Variants in EXOC6B observed in about 807,000 individuals in gnomAD.
EXOC6B encodes the protein SEC15 homolog B.
EXOC6B carries 54 observed loss-of-function variants against 113.5 expected under a neutral mutation model. The observed-to-expected ratio is 0.48, with a 90% CI of 0.38 to 0.60. The LOEUF is 0.60. EXOC6B is among the 20% of genes least tolerant of loss of function. The pLI, the probability that EXOC6B is intolerant of heterozygous loss-of-function variation, is 0.00. For missense variants in EXOC6B, 797 were observed against 977.5 expected, an observed-to-expected ratio of 0.82 and a Z score of 2.46; for synonymous variants, 357 against 339.0, an observed-to-expected ratio of 1.05 and a Z score of -0.58.
chr2:72,687,362 T>A (rs1367230781), intron 6 of EXOC6B, among the ~76,000 whole-genome samples: 1 of 152,210 alleles, frequency 6.6e-6, no homozygotes, highest in Non-Finnish European at 1.5e-5. Flanking sequence ...ATTTTTATGT[T>A]TTCTTTGGTG....
At chr2:72,712,080 A>C (rs1393976284) in intron 6 of EXOC6B, among the ~76,000 whole-genome samples, 1 of 152,086 alleles carries the variant, frequency 6.6e-6, no homozygotes, top group South Asian at 2.1e-4. Context: ...GACCTTGTAC[A>C]TTTTCTTATT....
chr2:72,592,893 C>T (rs182594907), intron 6 of EXOC6B, among the ~76,000 whole-genome samples: 1 of 152,094 alleles, frequency 6.6e-6, no homozygotes. Flanking sequence ...TAACATGACT[C>T]TTCGCAGATA....
chr2:72,425,040 C>G (rs1695124703), intron 18 of EXOC6B, among the ~76,000 whole-genome samples: 1 of 152,160 alleles, frequency 6.6e-6, no homozygotes. Context: ...CTCTATGTGT[C>G]CATGTGTTCT....
intron 1 of EXOC6B, among the ~76,000 whole-genome samples, chr2:72,784,542 CA>C (rs1684259520): frequency 1.3e-5 from 2 of 152,092 alleles, no homozygotes; most frequent in South Asian, 4.2e-4. Flanking sequence ...GCCTCAAAAT[CA>C]AGGTGGGAGG....
At chr2:72,575,432 C>T in intron 7 of EXOC6B, 60 bp downstream of exon 7, 1 of 1,489,714 alleles carries the variant, frequency 6.7e-7, no homozygotes. Flanking sequence ...TTCATCACAT[C>T]TCAACCATAC....
At chr2:72,489,756 G>C (rs566247790) in intron 16 of EXOC6B, among the ~76,000 whole-genome samples, 1 of 151,934 alleles carries the variant, frequency 6.6e-6, no homozygotes, top group Non-Finnish European at 1.5e-5. Context: ...AGCCATTCTC[G>C]CTAAAAAAAT....
intron 1 of EXOC6B, among the ~76,000 whole-genome samples, chr2:72,824,103 G>C (rs1686758216): frequency 6.6e-6 from 1 of 150,922 alleles, no homozygotes; most frequent in Admixed American, 6.6e-5. Context: ...AGGGACAAAG[G>C]GGCCAGGCAC....
chr2:72,231,534 G>A (rs1681618143), intron 20 of EXOC6B, among the ~76,000 whole-genome samples: 1 of 152,022 alleles, frequency 6.6e-6, no homozygotes, highest in Non-Finnish European at 1.5e-5. Flanking sequence ...TTTAAAATAA[G>A]TATATAAAAA....
chr2:72,664,873 C>T (rs780679755), intron 6 of EXOC6B, among the ~76,000 whole-genome samples: 1 of 152,232 alleles, frequency 6.6e-6, no homozygotes. Flanking sequence ...TTTGGATCCA[C>T]TGATACAGCC....
Position 72,741,247 on chromosome 2 carries a change from T to C in EXOC6B, c.279+57A>G, listed in dbSNP as rs1681302418. On this transcript the variant is annotated intron_variant, in intron 2 of 21. Coordinates refer to ENST00000272427, the MANE Select transcript of EXOC6B (RefSeq NM_015189.3). Reference sequence around the variant, plus strand: ...TATGTTATAATCCTTAATCCTTTAATCCTAATCAAAACCCCAACACAGGAC... The same window carrying C: ...TATGTTATAATCCTTAATCCTTTAACCCTAATCAAAACCCCAACACAGGAC... 5 of 1,519,406 alleles carry C rather than the reference T, an allele frequency of 3.3e-6. No homozygotes were observed. The South Asian group carries it at 5.0e-5, about 15-fold the overall frequency. 94.1% of individuals were successfully genotyped at this position (1,519,406 alleles called of 1,614,324 possible).
chr2:72,260,005 T>A (rs1417711404), intron 20 of EXOC6B, among the ~76,000 whole-genome samples: 2 of 151,980 alleles, frequency 1.3e-5, no homozygotes, highest in Non-Finnish European at 2.9e-5. Context: ...TGAGCTGTGA[T>A]TGCGCCACTG....
In EXOC6B at chr2:72,176,638, T is replaced by C. The variant is rs1181928041; in HGVS notation, c.*2697A>G. The C allele has an allele frequency of 1.3e-5, 2 of 152,222 alleles. No individual in the cohort carries two copies. The highest frequency in any genetic ancestry group is 2.4e-5 in the African/African-American group (1 of 41,450). The allele number at this position is 152,222 out of a possible 1,614,324, so 9.4% of individuals were successfully genotyped here. A position where few individuals can be genotyped will look rare whatever the true frequency, so the allele number is the denominator to read the frequency against. On this transcript the variant is annotated 3_prime_UTR_variant, in exon 22 of 22. Transcript: ENST00000272427. ...ACCTGCAACAGCTTCATTTATAGCC[T>C]GCTCAAAGAGATTTTCCCTATGAAT...
At chr2:72,568,698 A>T (rs549617080) in intron 7 of EXOC6B, among the ~76,000 whole-genome samples, 1 of 152,114 alleles carries the variant, frequency 6.6e-6, no homozygotes, top group Admixed American at 6.6e-5. Context: ...GTAAAAGAAA[A>T]TTTTTAAAAG....
chr2:72,575,354 C>A, intron 7 of EXOC6B, 138 bp downstream of exon 7: 2 of 692,826 alleles, frequency 2.9e-6, no homozygotes, highest in Non-Finnish European at 4.4e-6. Flanking sequence ...TAAATTGAGC[C>A]TTATTTGTAT....
intron 8 of EXOC6B, among the ~76,000 whole-genome samples, chr2:72,528,273 G>A (rs887858010): frequency 6.6e-6 from 1 of 151,864 alleles, no homozygotes; most frequent in African/African-American, 2.4e-5. Flanking sequence ...GTTCTATCAC[G>A]CTCATTCTCG....
chr2:72,310,689 TTTTTC>T (rs1466002483), intron 20 of EXOC6B, among the ~76,000 whole-genome samples: 1 of 152,118 alleles, frequency 6.6e-6, no homozygotes, highest in Non-Finnish European at 1.5e-5. Flanking sequence ...GTCCAATTTA[TTTTTC>T]TTTTATTACT....
chr2:72,551,690 A>G (rs982871959), intron 8 of EXOC6B, among the ~76,000 whole-genome samples: 2 of 145,722 alleles, frequency 1.4e-5, no homozygotes, highest in Non-Finnish European at 3.0e-5. Context: ...TTGTATTTTT[A>G]GTAGAGATGG....
intron 8 of EXOC6B, among the ~76,000 whole-genome samples, chr2:72,546,208 G>A (rs1702890150): frequency 6.6e-6 from 1 of 152,150 alleles, no homozygotes; most frequent in South Asian, 2.1e-4. Context: ...CAGCACTTTG[G>A]GAGGCCGAGG....
chr2:72,252,778 C>A (rs72835277), intron 20 of EXOC6B, among the ~76,000 whole-genome samples: 6,584 of 152,288 alleles, frequency 0.043, 194 homozygotes, highest in Non-Finnish European at 0.063. Flanking sequence ...TGCTCACTAT[C>A]TGGGTGATGG....
Sources: gnomAD v4.1 joint callset for allele counts (sites outside exome capture counted in the v4.1 genomes callset) on GRCh38, gnomAD v4.1.1 for gene constraint, MANE v1.5 for transcripts, NCBI Gene and HGNC (gene_info 2026-07-23, HGNC 2026-07-21) for gene names.